The following ADCK2 variants were observed in gnomAD, a reference collection of about 807,000 sequenced individuals.
The protein encoded by ADCK2 is uncharacterized aarF domain-containing protein kinase 2.
In ADCK2, 37 loss-of-function variants were observed where a neutral mutation model predicts 52.3. The observed-to-expected ratio is 0.71, with a 90% confidence interval of 0.54 to 0.93. The LOEUF (loss-of-function observed/expected upper bound fraction) is 0.93, where lower values mean the gene tolerates loss of function less well. ADCK2 is among the 40% of genes least tolerant of loss of function. ADCK2 has a pLI of 0.00. For missense variants in ADCK2, 695 were observed against 798.7 expected (o/e 0.87, Z 1.56); for synonymous variants, 321 against 349.2 (o/e 0.92, Z 0.90).
chr7:140,677,534 T>C (rs1329712697), intron 2 of ADCK2, among the ~76,000 whole-genome samples: 2 of 152,256 alleles, frequency 1.3e-5, no homozygotes, highest in African/African-American at 4.8e-5. Flanking sequence ...TTTTTTTTCT[T>C]GCATTATTCC....
At chr7:140,689,025 T>A (rs1794657709) in intron 5 of ADCK2, among the ~76,000 whole-genome samples, 1 of 151,830 alleles carries the variant, frequency 6.6e-6, no homozygotes, top group African/African-American at 2.4e-5. Context: ...TGGAGTGCAG[T>A]GGTACGATCT....
intron 2 of ADCK2, among the ~76,000 whole-genome samples, chr7:140,677,268 C>T (rs1224078947): frequency 6.6e-6 from 1 of 151,994 alleles, no homozygotes; most frequent in Admixed American, 6.6e-5. Flanking sequence ...ATTAGCCGGG[C>T]ATGGTGGCAC....
At position 140,693,372 on chromosome 7, in the gene ADCK2, C is replaced by T. The variant is rs142986560; in HGVS notation, c.1741-1291C>T. Among the ~76,000 whole-genome samples the T allele has an allele frequency of 6.6e-6, 1 of 152,318 alleles. No homozygotes were observed. The highest frequency in any genetic ancestry group is 6.5e-5 in the Admixed American group (1 of 15,308). On this transcript the variant is annotated intron_variant, in intron 7 of 7. Coordinates refer to ENST00000072869, the MANE Select transcript of ADCK2 (RefSeq NM_052853.4). The surrounding 1 kb of genome is among the most constrained non-coding windows in gnomAD (Gnocchi z 4.0). ...TGCTGCTGCTTCTGGATCCACCTGA[C>T]CCCGACAACCTTCCAGCCCTTAACG...
At chr7:140,677,297 A>C (rs1794436535) in intron 2 of ADCK2, among the ~76,000 whole-genome samples, 1 of 151,910 alleles carries the variant, frequency 6.6e-6, no homozygotes, top group East Asian at 1.9e-4. Flanking sequence ...AATCCCAGCT[A>C]CTCGAGAGGC....
At chr7:140,681,251 AG>A in intron 4 of ADCK2, 114 bp downstream of exon 4, 1 of 898,386 alleles carries the variant, frequency 1.1e-6, no homozygotes, top group Non-Finnish European at 1.8e-6. Flanking sequence ...GCAAGCCGCC[AG>A]GTTGAGAAAG....
chr7:140,689,505 G>C, intron 5 of ADCK2, 92 bp from the exon 6 acceptor site: 1 of 1,448,762 alleles, frequency 6.9e-7, no homozygotes. Context: ...GAAAAGTCAG[G>C]GTGGAGCTGC....
At chr7:140,685,634 C>T (rs961977867) in intron 4 of ADCK2, among the ~76,000 whole-genome samples, 2 of 152,114 alleles carry the variant, frequency 1.3e-5, no homozygotes, top group African/African-American at 4.8e-5. Context: ...AAGCCACAGT[C>T]TGGACTAGGA....
At chr7:140,685,069 A>G (rs1794582209) in intron 4 of ADCK2, among the ~76,000 whole-genome samples, 1 of 151,846 alleles carries the variant, frequency 6.6e-6, no homozygotes, top group Admixed American at 6.6e-5. Context: ...GTTCCAGAAG[A>G]TTCAGAAACT....
chr7:140,674,213 G>T lies in ADCK2; in HGVS notation c.883G>T (p.Val295Phe), dbSNP rs1270686171. ...GSNAGVSRAQ[V>F]PGHQPEATNL... ...AAATGCAGGGGTGTCTCGGGCTCAG[G>T]TCCCTGGCCACCAACCTGAGGCCAC... Residue 295 changes from valine to phenylalanine, a missense_variant, in exon 1 of 8, where the codon GTC (valine) becomes TTC (phenylalanine). Transcript: ENST00000072869. The surrounding 1 kb of genome is among the most constrained non-coding windows in gnomAD (Gnocchi z 4.6). 6.2e-7 allele frequency: 1 copy of T among 1,613,952 alleles called. No homozygotes were observed. Among genetic ancestry groups the T allele is most frequent in the Non-Finnish European group, 8.5e-7 (1 of 1,179,982 alleles).
At position 140,679,221 on chromosome 7, in the gene ADCK2, G is replaced by GC; in HGVS notation, c.1147_1148insC (p.Val383AlafsTer21). On this transcript the variant is annotated frameshift_variant, in exon 3 of 8. Transcript: ENST00000072869. LOFTEE classifies it high-confidence loss of function. Reference sequence around the variant, plus strand: ...GGTCAACTTCCGGAATGTGAAAGCCGTCAAGTTCCCCACCCCTCTGCGCCC... The same window carrying GC: ...GGTCAACTTCCGGAATGTGAAAGCCGCTCAAGTTCCCCACCCCTCTGCGCCC... 4 of 1,614,024 alleles carry GC rather than the reference G, an allele frequency of 2.5e-6. No homozygotes were observed. Among genetic ancestry groups the GC allele is most frequent in the Non-Finnish European group, 3.4e-6 (4 of 1,179,974 alleles).
intron 4 of ADCK2, among the ~76,000 whole-genome samples, chr7:140,683,342 G>A (rs1305064152): frequency 2.6e-5 from 4 of 152,168 alleles, no homozygotes; most frequent in Non-Finnish European, 4.4e-5. Flanking sequence ...GCTGAGGAAT[G>A]CCCTAATGTC....
intron 7 of ADCK2, among the ~76,000 whole-genome samples, chr7:140,691,470 G>A (rs1380109161): frequency 6.6e-6 from 1 of 152,178 alleles, no homozygotes; most frequent in East Asian, 1.9e-4. Flanking sequence ...ATGAAGTCCT[G>A]GGGTCCAGAG....
At chr7:140,691,502 T>C (rs935978982) in intron 7 of ADCK2, among the ~76,000 whole-genome samples, 2 of 149,676 alleles carry the variant, frequency 1.3e-5, no homozygotes, top group African/African-American at 5.1e-5. Flanking sequence ...GGGTCATGCC[T>C]TGTGTCCTGG....
chr7:140,685,570 G>A (rs1177021061), intron 4 of ADCK2, among the ~76,000 whole-genome samples: 1 of 152,130 alleles, frequency 6.6e-6, no homozygotes, highest in Admixed American at 6.5e-5. Context: ...GCAGGTCCCA[G>A]CCCCCCAGGT....
At position 140,674,793 on chromosome 7, in the gene ADCK2, A is replaced by G. The variant is rs762029277; in HGVS notation, c.1080+36A>G. 8 of 1,595,120 alleles carry G rather than the reference A, an allele frequency of 5.0e-6. No individual in the cohort carries two copies. In the South Asian group the frequency reaches 7.9e-5, roughly 16 times the overall value. On this transcript the variant is annotated intron_variant, in intron 2 of 7. Transcript: ENST00000072869. The surrounding 1 kb of genome is among the most constrained non-coding windows in gnomAD (Gnocchi z 4.6). ...CTCCCCTCAGCTGTAAATAGCACCT[A>G]ACATAGTTCTTGCCATTAGCTGCTA...
rs1276289346 is a variant in ADCK2, at chr7:140,678,618, G to A, written c.1081-537G>A. On this transcript the variant is annotated intron_variant, in intron 2 of 7. Transcript: ENST00000072869. This position sits in a 1 kb window ranked among gnomAD's most constrained non-coding sequence, Gnocchi z 4.9. ...CATCACGGAGAGACAGGTCAGCAGC[G>A]GCACCAGCCCTGGATGCCCACAGAG... 3.3e-5 allele frequency among the ~76,000 whole-genome samples: 5 copies of A among 152,174 alleles called. No individual in the cohort carries two copies. Among genetic ancestry groups the A allele is most frequent in the African/African-American group, 9.7e-5 (4 of 41,428 alleles).
chr7:140,684,786 G>A (rs923614994), intron 4 of ADCK2, among the ~76,000 whole-genome samples: 7 of 152,240 alleles, frequency 4.6e-5, no homozygotes, highest in Non-Finnish European at 8.8e-5. Context: ...TCCACCCCAG[G>A]GCCTGTGGGA....
At chr7:140,687,687 CTGGG>C (rs1429822650) in intron 5 of ADCK2, among the ~76,000 whole-genome samples, 1 of 150,406 alleles carries the variant, frequency 6.6e-6, no homozygotes. Flanking sequence ...TCACTCCAGC[CTGGG>C]TGAAAGAGTG....
At position 140,674,451 on chromosome 7, in the gene ADCK2, A is replaced by G; in HGVS notation, c.934-160A>G. 1 of 1,120,588 alleles carries G rather than the reference A, an allele frequency of 8.9e-7. No homozygotes were observed. The highest frequency in any genetic ancestry group is 1.2e-6 in the Non-Finnish European group (1 of 809,928). 69.4% of individuals were successfully genotyped at this position (1,120,588 alleles called of 1,614,324 possible). A position where few individuals can be genotyped will look rare whatever the true frequency, so the allele number is the denominator to read the frequency against. ...TGAATAGTCTGATAGAGGAAAATGA[A>G]CTGAGTCTGGAGTGAACTAACTGCT... On this transcript the variant is annotated intron_variant, in intron 1 of 7. Transcript: ENST00000072869. The surrounding 1 kb of genome is among the most constrained non-coding windows in gnomAD (Gnocchi z 4.6).
Sources: allele counts gnomAD v4.1 joint callset (sites outside exome capture counted in the v4.1 genomes callset), GRCh38; gene constraint gnomAD v4.1.1; non-coding constraint Gnocchi (gnomAD v3.1); transcripts MANE v1.5; gene names NCBI Gene and HGNC (gene_info 2026-07-23, HGNC 2026-07-21).